Variants in PDE7A observed in about 807,000 individuals in gnomAD.
PDE7A encodes phosphodiesterase 7A.
PDE7A carries 39 observed loss-of-function variants against 64.3 expected under a neutral mutation model. That is an observed-to-expected ratio of 0.61 (90% CI 0.47 to 0.79). The LOEUF (loss-of-function observed/expected upper bound fraction) is 0.79, where lower values mean the gene tolerates loss of function less well. Ranked by LOEUF, PDE7A falls within the 30% of genes least tolerant of loss-of-function variation. The probability of loss-of-function intolerance (pLI) is 0.00; values close to 1 mark genes in which losing one functional copy is unlikely to be tolerated. For synonymous variants in PDE7A, 203 were observed against 206.8 expected (o/e 0.98, Z 0.16); for missense variants, 470 against 582.8 (o/e 0.81, Z 1.99).
chr8:65,798,916 T>C (rs774140903), intron 1 of PDE7A, among the ~76,000 whole-genome samples: 2 of 152,058 alleles, frequency 1.3e-5, no homozygotes, highest in Admixed American at 6.5e-5. Context: ...AGCAATAAGA[T>C]AGGGCAAACT....
chr8:65,760,555 T>C lies in PDE7A; in HGVS notation c.284-12752A>G, dbSNP rs556883867. Among the ~76,000 whole-genome samples the C allele has an allele frequency of 4.6e-5, 7 of 152,186 alleles. No individual in the cohort carries two copies. In the South Asian group the frequency reaches 1.5e-3, roughly 32 times the overall value. ...AAGTACTAAAAGAAAATTAGAGAGA[T>C]TTCCAGAACTGTCCTAGAATTGCTT... is the stretch of plus-strand genomic sequence containing the variant. On this transcript the variant is annotated intron_variant, in intron 3 of 12. Transcript: ENST00000401827.
At chr8:65,798,207 T>TATATATATATATATA (rs552708184) in intron 1 of PDE7A, among the ~76,000 whole-genome samples, 6 of 15,478 alleles carry the variant, frequency 3.9e-4, no homozygotes, top group African/African-American at 1.3e-3. Flanking sequence ...TATATATATA[T>TATATATATATATATA]TTTTTTTTTT....
intron 3 of PDE7A, among the ~76,000 whole-genome samples, chr8:65,775,606 T>A (rs1809237497): frequency 6.6e-6 from 1 of 152,212 alleles, no homozygotes; most frequent in African/African-American, 2.4e-5. Flanking sequence ...TGATCCTACG[T>A]CCTCTGTCAG....
intron 1 of PDE7A, among the ~76,000 whole-genome samples, chr8:65,823,942 T>G (rs1165784397): frequency 6.7e-6 from 1 of 150,014 alleles, no homozygotes; most frequent in Non-Finnish European, 1.5e-5. Flanking sequence ...AAAATGTTCT[T>G]TCTCAATACA....
chr8:65,826,344 A>G (rs566910459), intron 1 of PDE7A, among the ~76,000 whole-genome samples: 1 of 152,210 alleles, frequency 6.6e-6, no homozygotes, highest in East Asian at 1.9e-4. Flanking sequence ...TATGCTTTGA[A>G]CTAGGTAGGA....
At chr8:65,799,098 G>A (rs1013055633) in intron 1 of PDE7A, among the ~76,000 whole-genome samples, 3 of 152,076 alleles carry the variant, frequency 2.0e-5, no homozygotes, top group African/African-American at 7.2e-5. Context: ...GGGCTGGGGG[G>A]AACCTATGGC....
intron 1 of PDE7A, among the ~76,000 whole-genome samples, chr8:65,819,243 G>T (rs78332947): frequency 0.063 from 9,579 of 152,154 alleles, 382 homozygotes; most frequent in Middle Eastern, 0.11. Context: ...AAAAATATAT[G>T]TTAAGTTAGC....
chr8:65,735,465 T>A (rs562838710), intron 6 of PDE7A, among the ~76,000 whole-genome samples: 2 of 152,138 alleles, frequency 1.3e-5, no homozygotes, highest in Non-Finnish European at 2.9e-5. Flanking sequence ...CATGCCACCA[T>A]GTCTGGCTCA....
chr8:65,750,991 A>T (rs572755299), intron 3 of PDE7A, among the ~76,000 whole-genome samples: 2 of 152,352 alleles, frequency 1.3e-5, no homozygotes, highest in Non-Finnish European at 2.9e-5. Flanking sequence ...TAACAGGATA[A>T]GAAATGGACC....
intron 1 of PDE7A, among the ~76,000 whole-genome samples, chr8:65,818,503 A>G (rs897435322): frequency 1.3e-5 from 2 of 152,134 alleles, no homozygotes; most frequent in African/African-American, 4.8e-5. Context: ...TGCACAATTT[A>G]GTAGTTACTG....
intron 1 of PDE7A, among the ~76,000 whole-genome samples, chr8:65,829,196 C>A (rs1810752183): frequency 6.6e-6 from 1 of 152,066 alleles, no homozygotes; most frequent in Admixed American, 6.6e-5. Context: ...AACTTTTGTT[C>A]CCCAAGGTGA....
intron 7 of PDE7A, among the ~76,000 whole-genome samples, chr8:65,733,868 C>T (rs1462793141): frequency 6.6e-6 from 1 of 152,146 alleles, no homozygotes; most frequent in Non-Finnish European, 1.5e-5. Flanking sequence ...TGTTTCCCGC[C>T]TAACACCTTA....
chr8:65,748,725 C>A (rs536393618), intron 3 of PDE7A, among the ~76,000 whole-genome samples: 4 of 152,164 alleles, frequency 2.6e-5, no homozygotes, highest in Non-Finnish European at 5.9e-5. Context: ...TCACTCACTC[C>A]TCTATTAACC....
At chr8:65,794,100 C>G (rs1392622791) in intron 1 of PDE7A, among the ~76,000 whole-genome samples, 1 of 152,046 alleles carries the variant, frequency 6.6e-6, no homozygotes, top group Non-Finnish European at 1.5e-5. Context: ...CAAACTTGAA[C>G]CAAATCATGA....
chr8:65,715,751 C>T lies in PDE7A; in HGVS notation c.*3539G>A, dbSNP rs1287302012. 2.7e-5 allele frequency among the ~76,000 whole-genome samples: 4 copies of T among 147,416 alleles called. No homozygotes were observed. Among genetic ancestry groups the T allele is most frequent in the South Asian group, 2.2e-4 (1 of 4,646 alleles). On this transcript the variant is annotated 3_prime_UTR_variant, in exon 13 of 13. Coordinates refer to ENST00000401827, the MANE Select transcript of PDE7A (RefSeq NM_001242318.3). Reference sequence around the variant, plus strand: ...CTGTAATCCCAGCACTATGGGAGGCCGAGGCGGGCGGATCACGAGGTCAGG... The same window carrying T: ...CTGTAATCCCAGCACTATGGGAGGCTGAGGCGGGCGGATCACGAGGTCAGG...
intron 7 of PDE7A, 55 bp from the exon 8 acceptor site, chr8:65,727,356 G>T: frequency 6.2e-7 from 1 of 1,600,344 alleles, no homozygotes; most frequent in Non-Finnish European, 8.5e-7. Context: ...TAAGCTCTAC[G>T]CCATCACAGT....
chr8:65,810,995 C>T (rs921405676), intron 1 of PDE7A, among the ~76,000 whole-genome samples: 2 of 152,050 alleles, frequency 1.3e-5, no homozygotes, highest in Non-Finnish European at 2.9e-5. Context: ...TTTATATCTG[C>T]AACCAAATAA....
At chr8:65,814,312 C>A (rs2128930652) in intron 1 of PDE7A, among the ~76,000 whole-genome samples, 1 of 151,366 alleles carries the variant, frequency 6.6e-6, no homozygotes, top group East Asian at 2.0e-4. Flanking sequence ...GAGATCGAGA[C>A]CATCCCGGCT....
intron 3 of PDE7A, among the ~76,000 whole-genome samples, chr8:65,768,235 C>T (rs1373165911): frequency 6.6e-6 from 1 of 152,122 alleles, no homozygotes; most frequent in Non-Finnish European, 1.5e-5. Flanking sequence ...CTTTAATGAG[C>T]TAAAATATTC....
Sources: gnomAD v4.1 joint callset for allele counts (sites outside exome capture counted in the v4.1 genomes callset) on GRCh38, gnomAD v4.1.1 for gene constraint, MANE v1.5 for transcripts, NCBI Gene and HGNC (gene_info 2026-07-23, HGNC 2026-07-21) for gene names.